The following EBF2 variants were observed in gnomAD, a reference collection of about 807,000 sequenced individuals.
EBF2 encodes the protein transcription factor COE2.
Under a neutral mutation model 72.8 loss-of-function variants are expected in EBF2, and 21 were observed. The ratio of observed to expected loss-of-function variants is 0.29; its 90% CI spans 0.20 to 0.42. EBF2 has a LOEUF of 0.42. EBF2 is among the 10% of genes least tolerant of loss of function. The pLI, the probability that EBF2 is intolerant of heterozygous loss-of-function variation, is 1.00. For missense variants in EBF2, 637 were observed against 731.2 expected, an observed-to-expected ratio of 0.87 and a Z score of 1.49; for synonymous variants, 299 against 274.2, an observed-to-expected ratio of 1.09 and a Z score of -0.89.
chr8:25,984,936 GAA>G (rs35911115), intron 6 of EBF2, among the ~76,000 whole-genome samples: 32,533 of 144,036 alleles, frequency 0.23, 4,227 homozygotes, highest in Middle Eastern at 0.36. Flanking sequence ...CTCAGCTTCT[GAA>G]AAAAAAAAAA....
chr8:25,861,821 C>A (rs1429374853), intron 11 of EBF2, among the ~76,000 whole-genome samples: 2 of 152,166 alleles, frequency 1.3e-5, no homozygotes, highest in Non-Finnish European at 1.5e-5. Context: ...ACGTCTGCTG[C>A]AAAATTTTAT....
chr8:25,896,458 C>G (rs1041974315), intron 7 of EBF2, among the ~76,000 whole-genome samples: 12 of 152,276 alleles, frequency 7.9e-5, no homozygotes, highest in African/African-American at 2.9e-4. Flanking sequence ...ATAAAATGGT[C>G]TCGAAAATTC....
chr8:25,852,093 A>ATCTG (rs762540228), intron 14 of EBF2, among the ~76,000 whole-genome samples: 39 of 152,204 alleles, frequency 2.6e-4, no homozygotes, highest in Non-Finnish European at 3.7e-4. Context: ...ATCTGAGTAC[A>ATCTG]TCTGTCTTTC....
chr8:25,914,562 CTT>C (rs1803179909), intron 6 of EBF2, among the ~76,000 whole-genome samples: 1 of 152,184 alleles, frequency 6.6e-6, no homozygotes, highest in Admixed American at 6.5e-5. Flanking sequence ...CCAATGGGCT[CTT>C]GTTACACCCT....
At chr8:26,023,539 T>C (rs1347256320) in intron 6 of EBF2, among the ~76,000 whole-genome samples, 1 of 152,186 alleles carries the variant, frequency 6.6e-6, no homozygotes, top group Non-Finnish European at 1.5e-5. Flanking sequence ...GAGAGAATGC[T>C]AGTCATGGTG....
intron 13 of EBF2, among the ~76,000 whole-genome samples, 161 bp from the exon 14 acceptor site, chr8:25,858,665 T>TTTTTTTC (rs1787800862): frequency 1.4e-5 from 2 of 143,774 alleles, no homozygotes; most frequent in African/African-American, 5.3e-5. Context: ...TTTTTTTTTT[T>TTTTTTTC]TTTTTTTTTT....
intron 6 of EBF2, among the ~76,000 whole-genome samples, chr8:26,017,755 A>C (rs903087737): frequency 2.6e-5 from 4 of 152,214 alleles, no homozygotes; most frequent in Admixed American, 2.0e-4. Context: ...TGTTCCTCCC[A>C]GAAAAATACA....
intron 6 of EBF2, among the ~76,000 whole-genome samples, chr8:25,930,500 T>A (rs1014455125): frequency 1.3e-5 from 2 of 152,314 alleles, no homozygotes; most frequent in East Asian, 3.9e-4. Flanking sequence ...CAGGGACTCA[T>A]TAAAATCTTG....
intron 6 of EBF2, among the ~76,000 whole-genome samples, chr8:25,977,592 G>A (rs1804290946): frequency 6.6e-6 from 1 of 152,172 alleles, no homozygotes; most frequent in Non-Finnish European, 1.5e-5. Context: ...AGGAAGTCAG[G>A]AGCATGAAGA....
At chr8:25,847,064 C>T (rs984416987) in intron 15 of EBF2, among the ~76,000 whole-genome samples, 2 of 152,166 alleles carry the variant, frequency 1.3e-5, no homozygotes, top group Admixed American at 6.5e-5. Context: ...GGGTTCAAGT[C>T]ATCAGACTTT....
At chr8:25,846,834 C>T (rs1315006559) in intron 15 of EBF2, among the ~76,000 whole-genome samples, 1 of 152,184 alleles carries the variant, frequency 6.6e-6, no homozygotes, top group African/African-American at 2.4e-5. Context: ...TCCTCCTAGT[C>T]CTACATCCAG....
At position 25,968,653 on chromosome 8, in the gene EBF2, C is replaced by G. The variant is rs192027217; in HGVS notation, c.552-60098G>C. Among the ~76,000 whole-genome samples the G allele has an allele frequency of 1.0e-3, 156 of 152,294 alleles. 2 individuals are homozygous for G. Among genetic ancestry groups the G allele is most frequent in the Middle Eastern group, 0.01 (3 of 294 alleles). On this transcript the variant is annotated intron_variant, in intron 6 of 15. Coordinates refer to ENST00000520164, the MANE Select transcript of EBF2 (RefSeq NM_022659.4). ...CTCAGCTCACTGCAACCTCCACCCC[C>G]CTGGGTTCAAGTGATTTTCTTGCCT...
In EBF2 at chr8:25,887,527, A is replaced by G. The variant is rs375801696; in HGVS notation, c.882+315T>C. On this transcript the variant is annotated intron_variant, in intron 9 of 15. Coordinates refer to ENST00000520164, the MANE Select transcript of EBF2 (RefSeq NM_022659.4). ...TGTGTGTTATATAACTAGATTTTAC[A>G]TCCATAGGCAGTGTTGTCCTTGTTT... Among the ~76,000 whole-genome samples, 512 of 152,320 alleles carry G rather than the reference A, an allele frequency of 3.4e-3. 4 individuals are homozygous for G. The highest frequency in any genetic ancestry group is 5.5e-3 in the Non-Finnish European group (374 of 68,024).
rs965132800 is a variant in EBF2, at chr8:25,979,732, A to G, written c.551+53353T>C. ...CCCTTCTGACGTCCTTAGCCACTCA[A>G]ATTAAATCTGAATGGTTCGTCTCTT... On this transcript the variant is annotated intron_variant, in intron 6 of 15. Coordinates refer to ENST00000520164, the MANE Select transcript of EBF2 (RefSeq NM_022659.4). Among the ~76,000 whole-genome samples, 12 of 152,152 alleles carry G rather than the reference A, an allele frequency of 7.9e-5. 1 individual carries two copies. In the South Asian group the frequency reaches 1.9e-3, roughly 24 times the overall value.
intron 6 of EBF2, among the ~76,000 whole-genome samples, chr8:25,954,492 A>G (rs1738344765): frequency 6.6e-6 from 1 of 152,258 alleles, no homozygotes; most frequent in Non-Finnish European, 1.5e-5. Flanking sequence ...GTCAAGGGCA[A>G]TGGGTCTTGG....
chr8:26,014,070 T>C (rs971443941), intron 6 of EBF2, among the ~76,000 whole-genome samples: 1 of 152,190 alleles, frequency 6.6e-6, no homozygotes. Flanking sequence ...GAAATGAAAT[T>C]TGACTTCTAC....
intron 6 of EBF2, among the ~76,000 whole-genome samples, chr8:25,974,582 T>G (rs1211583055): frequency 6.6e-6 from 1 of 152,216 alleles, no homozygotes; most frequent in Non-Finnish European, 1.5e-5. Flanking sequence ...AACAAAAAAC[T>G]GAGTTAGAAT....
chr8:25,846,313 C>G (rs1393376076), intron 15 of EBF2, among the ~76,000 whole-genome samples: 1 of 151,954 alleles, frequency 6.6e-6, no homozygotes, highest in Non-Finnish European at 1.5e-5. Flanking sequence ...AATCTATACT[C>G]ATCAACTGGA....
intron 11 of EBF2, among the ~76,000 whole-genome samples, chr8:25,862,226 A>G (rs896559924): frequency 6.6e-6 from 1 of 152,234 alleles, no homozygotes; most frequent in African/African-American, 2.4e-5. Flanking sequence ...AAATTCATAA[A>G]GTAATTTTCA....
Sources: gnomAD v4.1 joint callset for allele counts (sites outside exome capture counted in the v4.1 genomes callset) on GRCh38, gnomAD v4.1.1 for gene constraint, MANE v1.5 for transcripts, NCBI Gene and HGNC (gene_info 2026-07-23, HGNC 2026-07-21) for gene names.